The following LAMA2 variants were observed in gnomAD, a reference collection of about 807,000 sequenced individuals.
The protein encoded by LAMA2 is laminin subunit alpha 2.
In LAMA2, 269 loss-of-function variants were observed where a neutral mutation model predicts 364.8. The observed-to-expected ratio is 0.74, with a 90% CI of 0.67 to 0.82. LAMA2 has a LOEUF of 0.82. Ranked by LOEUF, LAMA2 falls within the 40% of genes least tolerant of loss-of-function variation. The pLI, the probability that LAMA2 is intolerant of heterozygous loss-of-function variation, is 0.00. For synonymous variants in LAMA2, 1,379 were observed against 1,370.6 expected, an observed-to-expected ratio of 1.01 and a Z score of -0.14; for missense variants, 3,807 against 3,873.2, an observed-to-expected ratio of 0.98 and a Z score of 0.45.
chr6:129,438,401 G>T (rs1781938398), intron 41 of LAMA2, among the ~76,000 whole-genome samples: 1 of 151,802 alleles, frequency 6.6e-6, no homozygotes, highest in African/African-American at 2.4e-5. Flanking sequence ...GTCAGATAAA[G>T]ATCAGATACC....
chr6:129,319,638 A>T (rs1021705802), intron 27 of LAMA2, among the ~76,000 whole-genome samples: 2 of 152,190 alleles, frequency 1.3e-5, no homozygotes, highest in Non-Finnish European at 2.9e-5. Flanking sequence ...CTTGAACAAC[A>T]TGGTGGTTAG....
At chr6:129,260,648 C>G in intron 14 of LAMA2, 63 bp from the exon 15 acceptor site, 1 of 978,394 alleles carries the variant, frequency 1.0e-6, no homozygotes, top group South Asian at 1.3e-5. Context: ...CTGTACGATT[C>G]CTACAGCTGT....
chr6:129,035,042 T>C (rs1458461931), intron 1 of LAMA2, among the ~76,000 whole-genome samples: 1 of 152,174 alleles, frequency 6.6e-6, no homozygotes, highest in African/African-American at 2.4e-5. Context: ...TCTTTTTTGT[T>C]CTTTAAGAAC....
At chr6:129,306,903 A>G (rs941937027) in intron 22 of LAMA2, among the ~76,000 whole-genome samples, 1 of 152,140 alleles carries the variant, frequency 6.6e-6, no homozygotes, top group Non-Finnish European at 1.5e-5. Context: ...TAAAATGGTC[A>G]TCTGCAAATT....
In LAMA2 at chr6:129,328,261, G is replaced by C. The variant is rs565577484; in HGVS notation, c.4177-17G>C. The C allele has an allele frequency of 8.7e-6, 14 of 1,612,402 alleles. No homozygotes were observed. Among genetic ancestry groups the C allele is most frequent in the Admixed American group, 3.3e-5 (2 of 60,020 alleles). On this transcript the variant is annotated splice_polypyrimidine_tract_variant and intron_variant, in intron 28 of 64. Transcript: ENST00000421865. ...ATTTCTAACTTTGCTGTCCTAATTG[G>C]CTTCCTTTTCTTTCAGGCATGCTTG... is the stretch of plus-strand genomic sequence containing the variant.
At chr6:129,361,535 C>A (rs1322604449) in intron 32 of LAMA2, among the ~76,000 whole-genome samples, 1 of 152,214 alleles carries the variant, frequency 6.6e-6, no homozygotes. Context: ...TGGCCTCAAG[C>A]CCAAATTGGG....
chr6:128,913,672 A>G (rs550758668), intron 1 of LAMA2, among the ~76,000 whole-genome samples: 1 of 152,356 alleles, frequency 6.6e-6, no homozygotes, highest in African/African-American at 2.4e-5. Context: ...GCACTAGTCA[A>G]GCAATCAGAG....
chr6:129,039,712 C>T lies in LAMA2; in HGVS notation c.113-10206C>T, dbSNP rs541445181. On this transcript the variant is annotated intron_variant, in intron 1 of 64. Transcript: ENST00000421865. Reference sequence around the variant, plus strand: ...GTTTCAGGATGAAACTGTTCCACCTCAGATCATCAGCCATTAGATTCTTAT... The same window carrying T: ...GTTTCAGGATGAAACTGTTCCACCTTAGATCATCAGCCATTAGATTCTTAT... 7.2e-5 allele frequency among the ~76,000 whole-genome samples: 11 copies of T among 152,284 alleles called. No individual in the cohort carries two copies. In the South Asian group the frequency reaches 1.9e-3, roughly 26 times the overall value.
At chr6:128,904,631 G>A (rs1390159009) in intron 1 of LAMA2, among the ~76,000 whole-genome samples, 4 of 151,712 alleles carry the variant, frequency 2.6e-5, no homozygotes, top group Admixed American at 6.6e-5. Context: ...ATTTATTCTT[G>A]TATTTTTAGT....
intron 1 of LAMA2, among the ~76,000 whole-genome samples, chr6:128,912,005 G>A (rs1307334987): frequency 1.3e-5 from 2 of 152,040 alleles, no homozygotes; most frequent in South Asian, 2.1e-4. Flanking sequence ...AACATTTTCC[G>A]TTGAATGAAT....
At chr6:129,021,980 T>G (rs147067931) in intron 1 of LAMA2, among the ~76,000 whole-genome samples, 38 of 152,248 alleles carry the variant, frequency 2.5e-4, no homozygotes, top group African/African-American at 8.4e-4. Flanking sequence ...AACTTCAAGG[T>G]TCTAGGAAAT....
intron 1 of LAMA2, among the ~76,000 whole-genome samples, chr6:128,939,964 A>C (rs1187283086): frequency 1.3e-5 from 2 of 152,102 alleles, no homozygotes; most frequent in African/African-American, 4.8e-5. Context: ...ATGATCCAAA[A>C]GTTTGGGTCC....
At chr6:129,370,239 CT>C (rs1777998521) in intron 34 of LAMA2, among the ~76,000 whole-genome samples, 1 of 152,182 alleles carries the variant, frequency 6.6e-6, no homozygotes, top group Non-Finnish European at 1.5e-5. Flanking sequence ...ATTTTGAGAA[CT>C]TTATTCAGTA....
intron 9 of LAMA2, among the ~76,000 whole-genome samples, chr6:129,167,459 A>G (rs1246463170): frequency 2.0e-5 from 3 of 151,694 alleles, no homozygotes; most frequent in East Asian, 1.9e-4. Context: ...ATGTTTTCCA[A>G]TTTCATCCAT....
chr6:129,422,976 A>G (rs2114732460), intron 40 of LAMA2, among the ~76,000 whole-genome samples: 1 of 152,250 alleles, frequency 6.6e-6, no homozygotes, highest in South Asian at 2.1e-4. Context: ...TGATTTACTC[A>G]AAGGATTATA....
intron 1 of LAMA2, among the ~76,000 whole-genome samples, chr6:129,029,880 G>A (rs1295443799): frequency 1.3e-5 from 2 of 151,956 alleles, no homozygotes; most frequent in Non-Finnish European, 2.9e-5. Context: ...GACCTCTAGG[G>A]CAACCAATTG....
At position 129,456,512 on chromosome 6, in the gene LAMA2, C is replaced by G. The variant is rs2114795128; in HGVS notation, c.6867+18C>G. ...AATTAAAGGTAATGTGTTCATCCTCCTCCTGTTTATTTCATCTTTGTTGAC... is the reference window on the plus strand; with the variant it reads ...AATTAAAGGTAATGTGTTCATCCTCGTCCTGTTTATTTCATCTTTGTTGAC... On this transcript the variant is annotated intron_variant, in intron 48 of 64. Coordinates refer to ENST00000421865, the MANE Select transcript of LAMA2 (RefSeq NM_000426.4). The G allele has an allele frequency of 6.2e-7, 1 of 1,606,638 alleles. No individual in the cohort carries two copies. The highest frequency in any genetic ancestry group is 2.2e-5 in the East Asian group (1 of 44,818).
chr6:129,105,849 TATA>T, intron 4 of LAMA2, among the ~76,000 whole-genome samples: 1 of 152,306 alleles, frequency 6.6e-6, no homozygotes, highest in Admixed American at 6.5e-5. Flanking sequence ...GAATTAAAAT[TATA>T]ATATTTTTCT....
chr6:129,080,519 G>C (rs1773976111), intron 3 of LAMA2, among the ~76,000 whole-genome samples: 1 of 152,028 alleles, frequency 6.6e-6, no homozygotes. Flanking sequence ...TTATTGAAAT[G>C]TCCATATGAA....
Sources: gnomAD v4.1 joint callset for allele counts (sites outside exome capture counted in the v4.1 genomes callset) on GRCh38, gnomAD v4.1.1 for gene constraint, MANE v1.5 for transcripts, NCBI Gene and HGNC (gene_info 2026-07-23, HGNC 2026-07-21) for gene names.